ANKRD36: variants seen among roughly 807,000 people sequenced by gnomAD.
The protein encoded by ANKRD36 is ankyrin repeat domain 36.
Under a neutral mutation model 278.1 loss-of-function variants are expected in ANKRD36, and 179 were observed. The observed-to-expected ratio is 0.64, with a 90% confidence interval of 0.57 to 0.73. The LOEUF (loss-of-function observed/expected upper bound fraction) is 0.73, where lower values mean the gene tolerates loss of function less well. ANKRD36 is among the 30% of genes least tolerant of loss of function. ANKRD36 has a pLI of 0.00. For synonymous variants in ANKRD36, 320 were observed against 641.1 expected, an observed-to-expected ratio of 0.50 and a Z score of 7.57; for missense variants, 1,159 against 1,956.7, an observed-to-expected ratio of 0.59 and a Z score of 7.69.
chr2:97,144,781 C>T, intron 10 of ANKRD36, 69 bp downstream of exon 10: 1 of 1,506,114 alleles, frequency 6.6e-7, no homozygotes, highest in Non-Finnish European at 8.9e-7. Flanking sequence ...CCAAATAAAT[C>T]AGCAGGGGGC....
At position 97,182,328 on chromosome 2, in the gene ANKRD36, G is replaced by C. The variant is rs1335163004; in HGVS notation, c.1837+535G>C. Among the ~76,000 whole-genome samples the C allele has an allele frequency of 2.2e-4, 21 of 93,976 alleles. 1 individual carries two copies. Among genetic ancestry groups the C allele is most frequent in the African/African-American group, 5.6e-4 (21 of 37,258 alleles). 61.7% of individuals were successfully genotyped at this position (93,976 alleles called of 152,430 possible). A position where few individuals can be genotyped will look rare whatever the true frequency, so the allele number is the denominator to read the frequency against. On this transcript the variant is annotated intron_variant, in intron 26 of 75. Coordinates refer to ENST00000420699, the MANE Select transcript of ANKRD36 (RefSeq NM_001354587.1). ...GAAACCTGAGTTCAGTTGCATATTT[G>C]AACATTTTTGTAAAAGAAGCTTTGA...
chr2:97,196,456 C>T, intron 40 of ANKRD36, 137 bp from the exon 41 acceptor site: 2 of 1,495,112 alleles, frequency 1.3e-6, no homozygotes, highest in African/African-American at 2.8e-5. Flanking sequence ...TTCTAGTCCC[C>T]AGACACAAAG....
intron 4 of ANKRD36, among the ~76,000 whole-genome samples, chr2:97,123,675 G>A (rs1181154838): frequency 1.6e-5 from 2 of 128,588 alleles, no homozygotes; most frequent in African/African-American, 5.3e-5. Context: ...AGGTGCTGAT[G>A]TTTTGGAAAC....
rs2075834572 is a variant in ANKRD36, at chr2:97,250,489, A to G, written c.*6+316A>G. Among the ~76,000 whole-genome samples the G allele has an allele frequency of 8.4e-5, 10 of 119,064 alleles. No individual in the cohort carries two copies. The Admixed American group carries it at 8.5e-4, about 10-fold the overall frequency. 78.1% of individuals were successfully genotyped at this position (119,064 alleles called of 152,430 possible). A position where few individuals can be genotyped will look rare whatever the true frequency, so the allele number is the denominator to read the frequency against. ...CTGCACACTGAAACTGTTCTCACAA[A>G]ACAAAGGCATTATCAACTTCTCAAG... On this transcript the variant is annotated intron_variant, in intron 75 of 75. Coordinates refer to ENST00000420699, the MANE Select transcript of ANKRD36 (RefSeq NM_001354587.1).
Position 97,200,456 on chromosome 2 carries a change from A to C in ANKRD36, c.2788A>C (p.Thr930Pro). ...SSRKKPSLEATSDEKDSFSNI... is the reference protein window; with the variant it reads ...SSRKKPSLEAPSDEKDSFSNI... Reference sequence around the variant, plus strand: ...CTTTGTTTCAAATTCCATTCAGGCCACAAGTGATGAGAAGGATTCTTTTTC... The same window carrying C: ...CTTTGTTTCAAATTCCATTCAGGCCCCAAGTGATGAGAAGGATTCTTTTTC... The change falls in exon 46 of 76, where the codon ACA becomes CCA. Residue 930 changes from threonine to proline, a missense_variant. By Grantham distance (38) the Thr-to-Pro change is conservative. Coordinates refer to ENST00000420699, the MANE Select transcript of ANKRD36 (RefSeq NM_001354587.1). 1.9e-6 allele frequency: 3 copies of C among 1,594,292 alleles called. No homozygotes were observed. Among genetic ancestry groups the C allele is most frequent in the Non-Finnish European group, 2.6e-6 (3 of 1,175,224 alleles).
chr2:97,202,509 G>C lies in ANKRD36; in HGVS notation c.2959+116G>C, dbSNP rs1575808524. ...CTGCACTTTCTGATTCAGCAGGCTG[G>C]AGATTCTTCATTTGTAGTAAGTTCT... is the stretch of plus-strand genomic sequence containing the variant. On this transcript the variant is annotated intron_variant, in intron 48 of 75. Transcript: ENST00000420699. 26 of 1,457,760 alleles carry C rather than the reference G, an allele frequency of 1.8e-5. No individual in the cohort carries two copies. In the East Asian group the frequency reaches 6.5e-4, roughly 36 times the overall value. The allele number at this position is 1,457,760 out of a possible 1,614,324, so 90.3% of individuals were successfully genotyped here.
At position 97,185,240 on chromosome 2, in the gene ANKRD36, G is replaced by T. The variant is rs759338475; in HGVS notation, c.1940-76G>T. The stretch of plus-strand genomic sequence containing the variant: ...TACAGGCAGGAGCATACAGCTTGAT[G>T]CTAACACTTCATGAATGTATAGATA... On this transcript the variant is annotated intron_variant, in intron 28 of 75. Transcript: ENST00000420699. 21 of 1,550,252 alleles carry T rather than the reference G, an allele frequency of 1.4e-5. 1 individual carries two copies. The highest frequency in any genetic ancestry group is 6.9e-5 in the Admixed American group (4 of 58,252).
intron 6 of ANKRD36, among the ~76,000 whole-genome samples, chr2:97,129,665 G>A (rs2039557491): frequency 6.6e-6 from 1 of 152,030 alleles, no homozygotes; most frequent in Non-Finnish European, 1.5e-5. Flanking sequence ...GTAAGGAAGG[G>A]ATCCAGTTTC....
chr2:97,215,954 G>A, intron 62 of ANKRD36: 2 of 317,796 alleles, frequency 6.3e-6, no homozygotes, highest in Non-Finnish European at 1.1e-5. Flanking sequence ...CCGCAAGGAA[G>A]AGGGATTGTG....
intron 36 of ANKRD36, among the ~76,000 whole-genome samples, chr2:97,192,626 A>G (rs780004758): frequency 5.9e-5 from 9 of 151,746 alleles, no homozygotes; most frequent in Non-Finnish European, 1.0e-4. Flanking sequence ...AGTTTTTGAC[A>G]TATGACAAAT....
At position 97,179,771 on chromosome 2, in the gene ANKRD36, T is replaced by G; in HGVS notation, c.1662+5T>G. The G allele has an allele frequency of 6.3e-7, 1 of 1,594,194 alleles. No individual in the cohort carries two copies. The highest frequency in any genetic ancestry group is 8.5e-7 in the Non-Finnish European group (1 of 1,177,420). The stretch of plus-strand genomic sequence containing the variant: ...CAGAAACAACCAGCTGAGAAGGTAA[T>G]TAAAGTCTCATTTATATGTTGAACT... On this transcript the variant is annotated splice_donor_5th_base_variant and intron_variant, in intron 23 of 75. Transcript: ENST00000420699.
At chr2:97,143,281 T>C (rs1385965069) in intron 8 of ANKRD36, among the ~76,000 whole-genome samples, 5 of 151,942 alleles carry the variant, frequency 3.3e-5, no homozygotes, top group African/African-American at 1.2e-4. Context: ...ATTATTTTAC[T>C]CAAGGAAGAG....
chr2:97,211,447 C>T, intron 56 of ANKRD36, 99 bp from the exon 57 acceptor site: 3 of 1,528,232 alleles, frequency 2.0e-6, no homozygotes, highest in Non-Finnish European at 2.7e-6. Flanking sequence ...TACACTAATA[C>T]AGGCTGGGGG....
At chr2:97,156,222 T>G (rs1302624793) in intron 15 of ANKRD36, among the ~76,000 whole-genome samples, 2 of 146,504 alleles carry the variant, frequency 1.4e-5, no homozygotes, top group Non-Finnish European at 3.1e-5. Flanking sequence ...CATTACTCTT[T>G]TTTTTTTATT....
chr2:97,228,189 T>G (rs1361561553), intron 67 of ANKRD36, among the ~76,000 whole-genome samples: 1 of 152,112 alleles, frequency 6.6e-6, no homozygotes, highest in Non-Finnish European at 1.5e-5. Context: ...TTCTATTGAT[T>G]GGAATAGTTT....
intron 67 of ANKRD36, among the ~76,000 whole-genome samples, chr2:97,225,994 A>G (rs1389966715): frequency 6.6e-6 from 1 of 151,784 alleles, no homozygotes; most frequent in Non-Finnish European, 1.5e-5. Flanking sequence ...CATGGTGTCT[A>G]TGTGCCATAT....
At chr2:97,230,991 C>T (rs1166493171) in intron 67 of ANKRD36, among the ~76,000 whole-genome samples, 2 of 152,072 alleles carry the variant, frequency 1.3e-5, no homozygotes, top group Non-Finnish European at 2.9e-5. Flanking sequence ...TGTGATCGTT[C>T]CTCTGGGAGT....
chr2:97,131,575 G>A (rs903387227), intron 6 of ANKRD36, among the ~76,000 whole-genome samples: 4 of 152,008 alleles, frequency 2.6e-5, no homozygotes, highest in Non-Finnish European at 4.4e-5. Flanking sequence ...TTTGGGAGCC[G>A]AAGTGGATAA....
At chr2:97,172,839 G>GAA (rs1460497594) in intron 22 of ANKRD36, among the ~76,000 whole-genome samples, 1 of 149,978 alleles carries the variant, frequency 6.7e-6, no homozygotes, top group Non-Finnish European at 1.5e-5. Flanking sequence ...GAATGTGTGT[G>GAA]TGTGTGTGTG....
Sources: gnomAD v4.1 joint callset for allele counts (sites outside exome capture counted in the v4.1 genomes callset) on GRCh38, gnomAD v4.1.1 for gene constraint, MANE v1.5 for transcripts, NCBI Gene and HGNC (gene_info 2026-07-23, HGNC 2026-07-21) for gene names.